The following NCALD variants were observed in gnomAD, a reference collection of about 807,000 sequenced individuals.
NCALD encodes the protein neurocalcin-delta.
NCALD carries 10 observed loss-of-function variants against 18.6 expected under a neutral mutation model. That is an observed-to-expected ratio of 0.54 (90% confidence interval 0.33 to 0.91). The LOEUF is 0.91. Among genes scored for constraint, NCALD ranks in the 40% least tolerant of loss-of-function variants. NCALD has a pLI of 0.03. For missense variants in NCALD, 184 were observed against 247.6 expected, an observed-to-expected ratio of 0.74 and a Z score of 1.72; for synonymous variants, 88 against 87.4, an observed-to-expected ratio of 1.01 and a Z score of -0.04.
intron 4 of NCALD, among the ~76,000 whole-genome samples, chr8:101,879,782 G>A (rs1816402607): frequency 6.6e-6 from 1 of 152,160 alleles, no homozygotes; most frequent in Non-Finnish European, 1.5e-5. Flanking sequence ...AGATTAGCTA[G>A]ACACAGAGCA....
At chr8:101,980,964 T>C (rs766710834) in intron 2 of NCALD, among the ~76,000 whole-genome samples, 10 of 152,354 alleles carry the variant, frequency 6.6e-5, no homozygotes, top group Non-Finnish European at 1.3e-4. Flanking sequence ...TGCATGCTTT[T>C]CCACAACCAT....
chr8:101,691,795 T>C (rs1024615089), intron 3 of NCALD: 17 of 985,336 alleles, frequency 1.7e-5, no homozygotes, highest in African/African-American at 1.7e-5. Context: ...CTCTCTGTAC[T>C]GCGAAGCCGC....
chr8:101,743,490 T>C (rs1810299794), intron 1 of NCALD, among the ~76,000 whole-genome samples: 1 of 152,202 alleles, frequency 6.6e-6, no homozygotes, highest in African/African-American at 2.4e-5. Flanking sequence ...ATTAGAATTG[T>C]TGGGTTTTGC....
rs983139748 is a variant in NCALD at position 101,957,751 on chromosome 8, A to G, written c.-156-41893T>C. ...TGAAGGAACACAAGGATGGCAAGTA[A>G]AAGATGAGACAGTGCTTTGTCTATG... On this transcript the variant is annotated intron_variant, in intron 2 of 6. Transcript: ENST00000311028. Among the ~76,000 whole-genome samples the G allele has an allele frequency of 7.9e-5, 12 of 152,158 alleles. 1 individual carries two copies. In the South Asian group the frequency reaches 2.5e-3, roughly 32 times the overall value.
At chr8:101,917,320 A>G (rs183100225) in intron 2 of NCALD, among the ~76,000 whole-genome samples, 104 of 152,190 alleles carry the variant, frequency 6.8e-4, no homozygotes, top group Admixed American at 1.9e-3. Context: ...CAACACATCA[A>G]CATCTCTGGG....
At chr8:102,103,118 C>T (rs990289742) in intron 1 of NCALD, among the ~76,000 whole-genome samples, 2 of 152,228 alleles carry the variant, frequency 1.3e-5, no homozygotes, top group East Asian at 3.9e-4. Flanking sequence ...GTGGAAAATA[C>T]AGACTCAGAG....
At chr8:101,693,153 T>G in intron 2 of NCALD, 1 of 340,332 alleles carries the variant, frequency 2.9e-6, no homozygotes, top group South Asian at 2.8e-5. Context: ...TCTCCAATGT[T>G]TTTTGATTGT....
intron 4 of NCALD, among the ~76,000 whole-genome samples, chr8:101,802,899 CAAAAAAA>C (rs34519871): frequency 5.0e-5 from 5 of 99,608 alleles, no homozygotes; most frequent in Non-Finnish European, 9.5e-5. Flanking sequence ...TGCTGCTGCT[CAAAAAAA>C]AAAAAAAAAA....
At chr8:101,690,523 C>T in intron 3 of NCALD, 2 of 985,418 alleles carry the variant, frequency 2.0e-6, no homozygotes, top group Non-Finnish European at 2.4e-6. Context: ...ATCTTTTGAC[C>T]TCTGTCCTCT....
At chr8:102,091,771 C>A (rs1238782163) in intron 1 of NCALD, among the ~76,000 whole-genome samples, 1 of 152,124 alleles carries the variant, frequency 6.6e-6, no homozygotes, top group Non-Finnish European at 1.5e-5. Context: ...ATGAATGGCC[C>A]TCACCATACT....
At chr8:101,875,579 A>C (rs1388433710) in intron 4 of NCALD, among the ~76,000 whole-genome samples, 2 of 151,850 alleles carry the variant, frequency 1.3e-5, no homozygotes, top group African/African-American at 4.8e-5. Context: ...CAGCCTTTTA[A>C]TTCTCTCCTC....
intron 1 of NCALD, among the ~76,000 whole-genome samples, chr8:102,025,631 G>C (rs750962026): frequency 1.3e-5 from 2 of 152,174 alleles, no homozygotes; most frequent in African/African-American, 4.8e-5. Context: ...AATTAAATTG[G>C]AGCACCCATG....
chr8:101,930,391 C>A (rs1474614997), intron 2 of NCALD, among the ~76,000 whole-genome samples: 2 of 151,962 alleles, frequency 1.3e-5, no homozygotes, highest in African/African-American at 4.8e-5. Flanking sequence ...GTAAGTCCTA[C>A]AGGAAGAGAC....
chr8:101,834,280 G>A lies in NCALD; in HGVS notation c.-20+52861C>T, dbSNP rs187079287. 7.0e-4 allele frequency among the ~76,000 whole-genome samples: 106 copies of A among 152,330 alleles called. 1 individual carries two copies. The highest frequency in any genetic ancestry group is 2.5e-3 in the African/African-American group (102 of 41,576). On this transcript the variant is annotated intron_variant, in intron 4 of 6. Coordinates refer to the NCALD transcript ENST00000311028. ...CCACCATAACGTGTGAAGAGGTGCC[G>A]GTGTCCCCCTGCTGGGGCTGGCCTC...
chr8:101,953,511 T>G (rs1248511351), intron 2 of NCALD, among the ~76,000 whole-genome samples: 2 of 152,240 alleles, frequency 1.3e-5, no homozygotes, highest in Admixed American at 1.3e-4. Flanking sequence ...CAAACTGCCC[T>G]TTCCAAGATC....
intron 4 of NCALD, among the ~76,000 whole-genome samples, chr8:101,805,802 CAA>C (rs991640775): frequency 2.6e-5 from 4 of 152,152 alleles, no homozygotes; most frequent in African/African-American, 4.8e-5. Context: ...GCTAGTTTAT[CAA>C]AGAGAACTAG....
intron 2 of NCALD, among the ~76,000 whole-genome samples, chr8:102,008,326 C>T (rs2132054742): frequency 6.6e-6 from 1 of 152,216 alleles, no homozygotes; most frequent in South Asian, 2.1e-4. Context: ...GACTGAGCAA[C>T]CCTTAGGGAC....
intron 1 of NCALD, among the ~76,000 whole-genome samples, chr8:101,764,931 T>G (rs1811284149): frequency 6.6e-6 from 1 of 152,144 alleles, no homozygotes; most frequent in African/African-American, 2.4e-5. Flanking sequence ...ACTACTACAG[T>G]CTATTGGCTC....
chr8:102,120,560 C>T (rs1313543348), intron 1 of NCALD, among the ~76,000 whole-genome samples: 4 of 152,148 alleles, frequency 2.6e-5, no homozygotes, highest in Admixed American at 2.6e-4. Context: ...TCCATGAAAG[C>T]AAGCTGAGAA....
Sources: gnomAD v4.1 joint callset for allele counts (sites outside exome capture counted in the v4.1 genomes callset) on GRCh38, gnomAD v4.1.1 for gene constraint, MANE v1.5 for transcripts, NCBI Gene and HGNC (gene_info 2026-07-23, HGNC 2026-07-21) for gene names.